Variants in PLEKHA6 observed in about 807,000 individuals in gnomAD.
PLEKHA6 encodes the protein pleckstrin homology domain containing A6.
In PLEKHA6, 60 loss-of-function variants were observed where a neutral mutation model predicts 116.7. The ratio of observed to expected loss-of-function variants is 0.51; its 90% CI spans 0.42 to 0.64. The LOEUF (loss-of-function observed/expected upper bound fraction) is 0.64. Ranked by LOEUF, PLEKHA6 falls within the 30% of genes least tolerant of loss-of-function variation. PLEKHA6 has a pLI of 0.00. For synonymous variants in PLEKHA6, 489 were observed against 556.1 expected, an observed-to-expected ratio of 0.88 and a Z score of 1.70; for missense variants, 1,338 against 1,422.7, an observed-to-expected ratio of 0.94 and a Z score of 0.96.
chr1:204,343,664 G>C (rs941852135), intron 1 of PLEKHA6, among the ~76,000 whole-genome samples: 2 of 152,170 alleles, frequency 1.3e-5, no homozygotes, highest in Non-Finnish European at 2.9e-5. Context: ...CAACATTAAG[G>C]AATGATACAA....
intron 1 of PLEKHA6, among the ~76,000 whole-genome samples, chr1:204,338,999 C>T (rs904118282): frequency 2.0e-5 from 3 of 152,328 alleles, no homozygotes; most frequent in East Asian, 1.9e-4. Flanking sequence ...CAGCATGTAA[C>T]GGACATGACT....
intron 1 of PLEKHA6, among the ~76,000 whole-genome samples, chr1:204,288,825 AGAG>A (rs1307127419): frequency 1.4e-4 from 21 of 152,224 alleles, no homozygotes; most frequent in African/African-American, 5.1e-4. Context: ...ATAGAGATTA[AGAG>A]GAGAAACACA....
intron 1 of PLEKHA6, among the ~76,000 whole-genome samples, chr1:204,305,095 C>T (rs1371318354): frequency 6.6e-6 from 1 of 152,088 alleles, no homozygotes; most frequent in Non-Finnish European, 1.5e-5. Flanking sequence ...GCCTCTGGTG[C>T]GTGGTAGAGA....
intron 2 of PLEKHA6, chr1:204,368,342 G>C (rs1673708691): frequency 1.3e-5 from 2 of 152,286 alleles, no homozygotes; most frequent in African/African-American, 4.8e-5. Flanking sequence ...CCAAATACCA[G>C]GCCAGCGTTA....
In PLEKHA6 at chr1:204,257,703, T is replaced by C; in HGVS notation, c.1174A>G (p.Lys392Glu). ...RISPPWALED[K>E]RHAFRNGGGP... ...CCCCCATTGCGGAAGGCATGGCGCT[T>C]GTCCTCCAGGGCCCAGGGCGGGCTG... is the stretch of plus-strand genomic sequence containing the variant. The change falls in exon 9 of 23, where the codon AAG (lysine) becomes GAG (glutamate). Residue 392 changes from lysine to glutamate, a missense_variant. Physicochemically the swap from Lys to Glu is moderately conservative, Grantham distance 56. Around this residue, in one of 3 missense-constraint regions of PLEKHA6, gnomAD observed 1,136 missense variants for 1,163.6 expected, o/e 0.98. Coordinates refer to ENST00000272203, the MANE Select transcript of PLEKHA6 (RefSeq NM_014935.5). The surrounding 1 kb of genome is among the most constrained non-coding windows in gnomAD (Gnocchi z 6.5). 1.2e-6 allele frequency: 2 copies of C among 1,612,408 alleles called. No homozygotes were observed. Among genetic ancestry groups the C allele is most frequent in the East Asian group, 4.5e-5 (2 of 44,844 alleles).
At chr1:204,301,407 A>G (rs1374003482) in intron 1 of PLEKHA6, 2 of 985,134 alleles carry the variant, frequency 2.0e-6, no homozygotes, top group Admixed American at 6.1e-5. Flanking sequence ...AATCTGCTGC[A>G]TTTCTACGCT....
At position 204,341,363 on chromosome 1, in the gene PLEKHA6, A is replaced by T. The variant is rs1310239419; in HGVS notation, c.-95+18331T>A. ...TGGGGGAAAGGGTAGGGGCCCAGGA[A>T]CATGCATTTCTTTAAAGCACCCCCC... On this transcript the variant is annotated intron_variant, in intron 1 of 22. Coordinates refer to ENST00000272203, the MANE Select transcript of PLEKHA6 (RefSeq NM_014935.5). Among the ~76,000 whole-genome samples the T allele has an allele frequency of 2.0e-5, 3 of 152,214 alleles. No homozygotes were observed. The East Asian group carries it at 5.8e-4, about 29-fold the overall frequency.
rs1659366790 is a variant in PLEKHA6 at position 204,218,983 on chromosome 1, C to T, written c.*3805G>A. 6.6e-6 allele frequency: 1 copy of T among 152,528 alleles called. No individual in the cohort carries two copies. The highest frequency in any genetic ancestry group is 2.1e-4 in the South Asian group (1 of 4,830). 9.4% of individuals were successfully genotyped at this position (152,528 alleles called of 1,614,324 possible). ...GCTGAAAGGGGGAAGCAAACTCTCA[C>T]CTGTTTCAGTCAGGCCATCCCTCCT... On this transcript the variant is annotated 3_prime_UTR_variant, in exon 23 of 23. Coordinates refer to ENST00000272203, the MANE Select transcript of PLEKHA6 (RefSeq NM_014935.5).
intron 18 of PLEKHA6, 56 bp downstream of exon 18, chr1:204,230,357 T>G: frequency 1.5e-6 from 2 of 1,364,180 alleles, no homozygotes; most frequent in Non-Finnish European, 2.0e-6. Context: ...GCCCTGGGAG[T>G]GGGCAGTGTT....
At chr1:204,230,320 C>A in intron 18 of PLEKHA6, 93 bp downstream of exon 18, 1 of 1,081,786 alleles carries the variant, frequency 9.2e-7, no homozygotes, top group Non-Finnish European at 1.3e-6. Flanking sequence ...TCCTTCCTCT[C>A]AAACCCCCCA....
At chr1:204,232,840 A>G (rs1313455730) in intron 17 of PLEKHA6, among the ~76,000 whole-genome samples, 1 of 152,226 alleles carries the variant, frequency 6.6e-6, no homozygotes, top group South Asian at 2.1e-4. Context: ...GATTATTCTC[A>G]GGCCTTGAAA....
intron 1 of PLEKHA6, among the ~76,000 whole-genome samples, chr1:204,373,722 CT>C (rs949607176): frequency 1.3e-5 from 2 of 151,970 alleles, no homozygotes; most frequent in South Asian, 2.1e-4. Flanking sequence ...TGAAAATATG[CT>C]TTTTTTTCTA....
chr1:204,282,694 C>T (rs1668753484), intron 1 of PLEKHA6: 1 of 985,316 alleles, frequency 1.0e-6, no homozygotes, highest in Admixed American at 6.1e-5. Context: ...CACCCAGAAG[C>T]TGCCATGGGC....
At chr1:204,251,523 G>C (rs982199905) in intron 9 of PLEKHA6, 1 of 702,790 alleles carries the variant, frequency 1.4e-6, no homozygotes, top group East Asian at 2.7e-5. Flanking sequence ...GCCAGGCAGA[G>C]GTCTTACTTG....
chr1:204,246,223 C>A (rs1185077477), intron 13 of PLEKHA6, among the ~76,000 whole-genome samples: 2 of 152,150 alleles, frequency 1.3e-5, no homozygotes. Flanking sequence ...CCCTCAGCAC[C>A]AGGCACTATG....
chr1:204,351,885 C>T lies in PLEKHA6; in HGVS notation c.-95+7809G>A, dbSNP rs566798104. ...ATTAAGTTATTAAGTTTCACCATGC[C>T]CAACATGGTAAAAACTCATCTCTAC... On this transcript the variant is annotated intron_variant, in intron 1 of 22. Coordinates refer to ENST00000272203, the MANE Select transcript of PLEKHA6 (RefSeq NM_014935.5). 1.6e-4 allele frequency among the ~76,000 whole-genome samples: 25 copies of T among 152,234 alleles called. No individual in the cohort carries two copies. The East Asian group carries it at 4.6e-3, about 28-fold the overall frequency.
chr1:204,300,111 C>G (rs571494764), intron 1 of PLEKHA6, among the ~76,000 whole-genome samples: 35 of 152,304 alleles, frequency 2.3e-4, no homozygotes, highest in African/African-American at 8.2e-4. Context: ...GTCCATCTTT[C>G]CAATGATGTG....
At chr1:204,300,558 T>G (rs1359044648) in intron 1 of PLEKHA6, among the ~76,000 whole-genome samples, 1 of 152,192 alleles carries the variant, frequency 6.6e-6, no homozygotes, top group Non-Finnish European at 1.5e-5. Flanking sequence ...CAGAAGTCAA[T>G]GTATAAATAA....
intron 7 of PLEKHA6, among the ~76,000 whole-genome samples, chr1:204,260,655 T>G (rs1426808071): frequency 6.6e-6 from 1 of 152,184 alleles, no homozygotes; most frequent in Non-Finnish European, 1.5e-5. Context: ...ATATGTGGAC[T>G]TGGAGCCTAC....
Sources: gnomAD v4.1 joint callset for allele counts (sites outside exome capture counted in the v4.1 genomes callset) on GRCh38, gnomAD v4.1.1 for gene constraint, gnomAD v4.1.1 regional missense constraint, Gnocchi (gnomAD v3.1) non-coding constraint, MANE v1.5 for transcripts, NCBI Gene and HGNC (gene_info 2026-07-23, HGNC 2026-07-21) for gene names.